ROBO2: variants seen among roughly 807,000 people sequenced by gnomAD.
ROBO2 encodes roundabout guidance receptor 2.
ROBO2 carries 53 observed loss-of-function variants against 160.8 expected under a neutral mutation model. That is an observed-to-expected ratio of 0.33 (90% CI 0.26 to 0.41). The LOEUF is 0.41. Ranked by LOEUF, ROBO2 falls within the 10% of genes least tolerant of loss-of-function variation. ROBO2 has a pLI of 1.00. For missense variants in ROBO2, 1,577 were observed against 1,722.4 expected (o/e 0.92, Z 1.49); for synonymous variants, 664 against 611.7 (o/e 1.09, Z -1.26).
chr3:76,493,081 G>A lies in ROBO2; in HGVS notation c.109+555479G>A, dbSNP rs369154663. 2.6e-4 allele frequency among the ~76,000 whole-genome samples: 39 copies of A among 152,000 alleles called. 1 individual carries two copies. The highest frequency in any genetic ancestry group is 2.1e-3 in the South Asian group (10 of 4,816). On this transcript the variant is annotated intron_variant, in intron 2 of 26. Transcript: ENST00000487694. ...GGCAATGAAATAGAATGACATGTTT[G>A]GGGCATGTTTTTGCACATATGCATA...
At position 77,588,801 on chromosome 3, in the gene ROBO2, C is replaced by T; in HGVS notation, c.2551C>T (p.Gln851Ter). 6.2e-7 allele frequency: 1 copy of T among 1,613,468 alleles called. No individual in the cohort carries two copies. The highest frequency in any genetic ancestry group is 8.5e-7 in the Non-Finnish European group (1 of 1,179,592). Residue 851 changes from glutamine (Q) to a stop codon, truncating the protein, a stop_gained, in exon 17 of 26, where the codon CAA (glutamine) becomes TAA (stop). Coordinates refer to ENST00000461745, the Ensembl canonical transcript of ROBO2. LOFTEE classifies it high-confidence loss of function. ...TGAAAACAATAACAGCATAACTGAG[C>T]AAATCACTGATGTGGTGAAGCAACC... is the stretch of plus-strand genomic sequence containing the variant.
intron 2 of ROBO2, among the ~76,000 whole-genome samples, chr3:75,990,066 A>G (rs1011247114): frequency 2.0e-5 from 3 of 152,204 alleles, no homozygotes; most frequent in Non-Finnish European, 4.4e-5. Flanking sequence ...AAATCCTTTT[A>G]AAAATTAAAT....
chr3:77,264,042 TCAC>T (rs1460516864), intron 2 of ROBO2, among the ~76,000 whole-genome samples: 2 of 110,474 alleles, frequency 1.8e-5, no homozygotes, highest in Non-Finnish European at 4.5e-5. Flanking sequence ...TTCATCATAT[TCAC>T]CACCATCATC....
chr3:77,149,221 G>A (rs1394158703), intron 2 of ROBO2, among the ~76,000 whole-genome samples: 1 of 151,854 alleles, frequency 6.6e-6, no homozygotes, highest in East Asian at 1.9e-4. Flanking sequence ...TTTTTTAGTA[G>A]AGACGGGGTT....
chr3:76,097,266 T>C (rs2069491084), intron 2 of ROBO2, among the ~76,000 whole-genome samples: 1 of 152,184 alleles, frequency 6.6e-6, no homozygotes, highest in Non-Finnish European at 1.5e-5. Context: ...GGCATGAGCC[T>C]ATTTGTCAGG....
chr3:77,012,766 G>A (rs1578246033), intron 2 of ROBO2, among the ~76,000 whole-genome samples: 2 of 152,288 alleles, frequency 1.3e-5, no homozygotes, highest in South Asian at 4.1e-4. Flanking sequence ...GAATTCAAAT[G>A]TCTGGGATTT....
chr3:76,419,494 T>G (rs749695434), intron 2 of ROBO2, among the ~76,000 whole-genome samples: 12 of 152,190 alleles, frequency 7.9e-5, no homozygotes, highest in Non-Finnish European at 1.5e-4. Flanking sequence ...GAAGGTGATT[T>G]GTTTTATCAC....
At chr3:77,211,890 T>C (rs562561689) in intron 2 of ROBO2, among the ~76,000 whole-genome samples, 24 of 152,320 alleles carry the variant, frequency 1.6e-4, no homozygotes, top group African/African-American at 5.3e-4. Context: ...GTTGTAGATA[T>C]GTGGCATTAT....
chr3:75,929,001 G>GTGTGTT (rs1947410513), intron 1 of ROBO2, among the ~76,000 whole-genome samples: 1 of 146,344 alleles, frequency 6.8e-6, no homozygotes, highest in South Asian at 2.2e-4. Flanking sequence ...GTGTGTGTGT[G>GTGTGTT]ATAGCTCATG....
At chr3:76,444,767 T>C (rs564182922) in intron 2 of ROBO2, among the ~76,000 whole-genome samples, 7 of 152,312 alleles carry the variant, frequency 4.6e-5, no homozygotes, top group South Asian at 2.1e-4. Context: ...CATATCAAGG[T>C]TTATCTGCAT....
intron 1 of ROBO2, among the ~76,000 whole-genome samples, chr3:77,045,938 T>A (rs4370062): frequency 0.5 from 76,374 of 152,200 alleles, 22,349 homozygotes; most frequent in Middle Eastern, 0.67. Context: ...TGTCATAGCA[T>A]ATGCATCAGT....
At chr3:76,493,499 A>T (rs1005004430) in intron 2 of ROBO2, among the ~76,000 whole-genome samples, 5 of 151,794 alleles carry the variant, frequency 3.3e-5, no homozygotes, top group Non-Finnish European at 5.9e-5. Context: ...TTGTTTGTCC[A>T]TATCCAATTT....
chr3:76,177,659 C>T (rs927966331), intron 2 of ROBO2, among the ~76,000 whole-genome samples: 1 of 152,106 alleles, frequency 6.6e-6, no homozygotes, highest in Non-Finnish European at 1.5e-5. Flanking sequence ...ATTTTACATG[C>T]TAATTGTAAT....
chr3:76,424,505 G>A (rs2108957192), intron 2 of ROBO2, among the ~76,000 whole-genome samples: 1 of 152,210 alleles, frequency 6.6e-6, no homozygotes, highest in African/African-American at 2.4e-5. Flanking sequence ...AGGAGCTGGG[G>A]GCAGGGAGAA....
intron 2 of ROBO2, among the ~76,000 whole-genome samples, chr3:76,079,787 C>G (rs2068760884): frequency 6.6e-6 from 1 of 151,830 alleles, no homozygotes; most frequent in African/African-American, 2.4e-5. Flanking sequence ...GAAGTAAAGT[C>G]TGACTAAGTA....
At chr3:77,529,874 G>T (rs1299049665) in intron 6 of ROBO2, among the ~76,000 whole-genome samples, 1 of 151,836 alleles carries the variant, frequency 6.6e-6, no homozygotes, top group African/African-American at 2.4e-5. Flanking sequence ...ACTGAATGTT[G>T]GATATGTTTT....
intron 2 of ROBO2, among the ~76,000 whole-genome samples, chr3:76,901,568 C>CAAAAAAAAAA (rs34372046): frequency 1.3e-5 from 1 of 75,874 alleles, no homozygotes; most frequent in African/African-American, 5.5e-5. Context: ...AATTTCATCT[C>CAAAAAAAAAA]AAAAAAAAAA....
chr3:76,063,085 C>G (rs2068120285), intron 2 of ROBO2, among the ~76,000 whole-genome samples: 2 of 152,114 alleles, frequency 1.3e-5, no homozygotes, highest in Non-Finnish European at 1.5e-5. Context: ...CACATATCAG[C>G]TCATTTAAAC....
Position 77,368,487 on chromosome 3 carries a change from G to A in ROBO2, c.389-108927G>A, listed in dbSNP as rs369043901. On this transcript the variant is annotated intron_variant, in intron 2 of 25. Coordinates refer to ENST00000461745, the Ensembl canonical transcript of ROBO2. ...ACCAAATTTGCTCATTGGTGGTTTA[G>A]CAACTGTGTAGAATTTCAAGGATTA... Among the ~76,000 whole-genome samples the A allele has an allele frequency of 8.5e-5, 13 of 152,296 alleles. No homozygotes were observed. In the East Asian group the frequency reaches 2.5e-3, roughly 29 times the overall value.
Sources: gnomAD v4.1 joint callset for allele counts (sites outside exome capture counted in the v4.1 genomes callset) on GRCh38, gnomAD v4.1.1 for gene constraint, MANE v1.5 for transcripts, NCBI Gene and HGNC (gene_info 2026-07-23, HGNC 2026-07-21) for gene names.